Variants in C9orf85 observed in about 807,000 individuals in gnomAD.
The protein encoded by C9orf85 is chromosome 9 open reading frame 85.
C9orf85 carries 16 observed loss-of-function variants against 14.9 expected under a neutral mutation model. That is an observed-to-expected ratio of 1.08 (90% CI 0.73 to 1.63). The LOEUF (loss-of-function observed/expected upper bound fraction) is 1.63, where lower values mean the gene tolerates loss of function less well. Among genes scored for constraint, C9orf85 ranks in the 40% most tolerant of loss-of-function variants. C9orf85 has a pLI of 0.00. For missense variants in C9orf85, 172 were observed against 186.1 expected, an observed-to-expected ratio of 0.92 and a Z score of 0.44; for synonymous variants, 45 against 56.8, an observed-to-expected ratio of 0.79 and a Z score of 0.93.
intron 1 of C9orf85, among the ~76,000 whole-genome samples, chr9:71,926,430 A>G (rs1827930523): frequency 6.6e-6 from 1 of 152,202 alleles, no homozygotes; most frequent in East Asian, 1.9e-4. Flanking sequence ...GCCCTCATTT[A>G]TAAATATGAG....
At chr9:71,930,613 T>C (rs1184488863) in intron 1 of C9orf85, among the ~76,000 whole-genome samples, 1 of 147,208 alleles carries the variant, frequency 6.8e-6, no homozygotes, top group Non-Finnish European at 1.5e-5. Flanking sequence ...CTGGGCAACA[T>C]AGTGACATAG....
At chr9:71,968,555 G>A (rs1160574710) in intron 2 of C9orf85, among the ~76,000 whole-genome samples, 1 of 152,058 alleles carries the variant, frequency 6.6e-6, no homozygotes, top group Non-Finnish European at 1.5e-5. Flanking sequence ...TATTTCTACA[G>A]AGTTGTTGGG....
chr9:71,980,043 T>C (rs1167613083), intron 3 of C9orf85, among the ~76,000 whole-genome samples: 1 of 146,612 alleles, frequency 6.8e-6, no homozygotes, highest in East Asian at 2.0e-4. Flanking sequence ...AGATGGAGTC[T>C]CACTCTGTCA....
chr9:71,955,988 GA>G (rs1456871205), intron 2 of C9orf85, among the ~76,000 whole-genome samples: 58 of 152,134 alleles, frequency 3.8e-4, no homozygotes, highest in Middle Eastern at 3.4e-3. Flanking sequence ...TGTAGTCAAT[GA>G]AAAGGAAAAA....
chr9:71,935,739 G>C (rs980825450), intron 1 of C9orf85, among the ~76,000 whole-genome samples: 1 of 152,152 alleles, frequency 6.6e-6, no homozygotes, highest in African/African-American at 2.4e-5. Flanking sequence ...GGGGCTAGGA[G>C]GAAGGGACAA....
At chr9:71,971,940 C>T (rs866580022) in intron 3 of C9orf85, among the ~76,000 whole-genome samples, 1 of 145,170 alleles carries the variant, frequency 6.9e-6, no homozygotes, top group African/African-American at 2.6e-5. Flanking sequence ...TGCCACTGCA[C>T]TCCAGCCTGG....
rs889855146 is a variant in C9orf85, at chr9:71,933,863, CT to C, written c.103-13133del. Among the ~76,000 whole-genome samples, 11 of 150,624 alleles carry C rather than the reference CT, an allele frequency of 7.3e-5. No individual in the cohort carries two copies. In the East Asian group the frequency reaches 9.7e-4, roughly 13 times the overall value. On this transcript the variant is annotated intron_variant, in intron 1 of 3. Transcript: ENST00000334731. ...GGTCATGCCCATAAGCCAGAGCTAA[CT>C]TTTTTTTTTCTGATCCCGAATTTTT...
intron 1 of C9orf85, among the ~76,000 whole-genome samples, chr9:71,928,142 C>T (rs919151333): frequency 7.1e-6 from 1 of 140,366 alleles, no homozygotes; most frequent in African/African-American, 2.7e-5. Context: ...AATCAAGATT[C>T]TGCCACTGTA....
intron 1 of C9orf85, 85 bp from the exon 2 acceptor site, chr9:71,946,921 C>T (rs1044887588): frequency 4.9e-5 from 40 of 821,776 alleles, no homozygotes; most frequent in Non-Finnish European, 7.4e-5. Flanking sequence ...TATTTTAAAA[C>T]TTACATCTCA....
intron 1 of C9orf85, among the ~76,000 whole-genome samples, chr9:71,919,353 G>A (rs1827733462): frequency 6.6e-6 from 1 of 152,100 alleles, no homozygotes; most frequent in African/African-American, 2.4e-5. Flanking sequence ...TCAGCCAATG[G>A]GCATCAGCAA....
At chr9:71,958,128 C>T (rs1384019880) in intron 2 of C9orf85, among the ~76,000 whole-genome samples, 2 of 151,296 alleles carry the variant, frequency 1.3e-5, no homozygotes, top group African/African-American at 4.9e-5. Context: ...GTTCAGGAAG[C>T]TGGTGTTGTT....
Position 71,971,509 on chromosome 9 carries a change from A to G in C9orf85, c.214A>G (p.Lys72Glu). Residue 72 changes from lysine (K) to glutamate (E), a missense_variant, in exon 3 of 4, where the codon AAA becomes GAA. Transcript: ENST00000334731. ...KPLSKPKKCV[K>E]CLQKTVKDSY... is the part of the protein sequence containing the mutation. Reference sequence around the variant, plus strand: ...ACATTTTATTTTTTATTTTAGTGTTAAATGTTTACAAAAGACAGTGAAGGA... The same window carrying G: ...ACATTTTATTTTTTATTTTAGTGTTGAATGTTTACAAAAGACAGTGAAGGA... The G allele has an allele frequency of 6.4e-7, 1 of 1,562,086 alleles. No individual in the cohort carries two copies. The highest frequency in any genetic ancestry group is 8.7e-7 in the Non-Finnish European group (1 of 1,146,494).
intron 1 of C9orf85, among the ~76,000 whole-genome samples, chr9:71,933,865 T>C (rs1023967681): frequency 6.6e-6 from 1 of 151,690 alleles, no homozygotes; most frequent in African/African-American, 2.4e-5. Context: ...AGAGCTAACT[T>C]TTTTTTTTCT....
downstream of C9orf85, among the ~76,000 whole-genome samples, chr9:71,978,113 A>C (rs1823037640): frequency 6.6e-6 from 1 of 152,176 alleles, no homozygotes; most frequent in Admixed American, 6.5e-5. Flanking sequence ...TTTTAAATGA[A>C]CTTTTTAATT....
chr9:71,911,856 A>G lies in C9orf85; in HGVS notation c.102+20A>G. On this transcript the variant is annotated intron_variant, in intron 1 of 3. Transcript: ENST00000334731. Reference sequence around the variant, plus strand: ...ACCAAGGTAGGAACCTGCCTGTTGCACCGTCTTTGACTCCAGGAAGGAATG... The same window carrying G: ...ACCAAGGTAGGAACCTGCCTGTTGCGCCGTCTTTGACTCCAGGAAGGAATG... 1.2e-6 allele frequency: 2 copies of G among 1,600,278 alleles called. No homozygotes were observed. The highest frequency in any genetic ancestry group is 1.1e-5 in the South Asian group (1 of 90,776).
chr9:71,937,914 T>C (rs1828230984), intron 1 of C9orf85, among the ~76,000 whole-genome samples: 1 of 152,144 alleles, frequency 6.6e-6, no homozygotes, highest in Non-Finnish European at 1.5e-5. Flanking sequence ...TAATTAGCTA[T>C]GTGGAACAAA....
chr9:71,926,595 A>G (rs568272042), intron 1 of C9orf85, among the ~76,000 whole-genome samples: 1 of 151,664 alleles, frequency 6.6e-6, no homozygotes, highest in African/African-American at 2.4e-5. Context: ...AATGATTCAA[A>G]TAGCTTTCAA....
At chr9:71,984,997 T>G (rs1823182383), downstream of C9orf85, 1 of 152,078 alleles carries the variant, frequency 6.6e-6, no homozygotes, top group Admixed American at 6.5e-5. Flanking sequence ...TGAGCAGGGG[T>G]TAACATTCAG....
In C9orf85 at chr9:71,972,997, T is replaced by G. The variant is rs1054419334; in HGVS notation, c.*155T>G. ...CATCTCCACTAAAAGTACAAAAAAT[T>G]AGCTGGGCGTGGTGGCTCATGCCTG... On this transcript the variant is annotated 3_prime_UTR_variant, in exon 4 of 4. Coordinates refer to ENST00000334731, the MANE Select transcript of C9orf85 (RefSeq NM_182505.5). The G allele has an allele frequency of 3.2e-5, 13 of 405,802 alleles. No individual in the cohort carries two copies. Among genetic ancestry groups the G allele is most frequent in the African/African-American group, 2.5e-4 (12 of 47,552 alleles). 25.1% of individuals were successfully genotyped at this position (405,802 alleles called of 1,614,324 possible).
Sources: gnomAD v4.1 joint callset for allele counts (sites outside exome capture counted in the v4.1 genomes callset) on GRCh38, gnomAD v4.1.1 for gene constraint, MANE v1.5 for transcripts, NCBI Gene and HGNC (gene_info 2026-07-23, HGNC 2026-07-21) for gene names.